SYNRG: variants seen among roughly 807,000 people sequenced by gnomAD.
SYNRG encodes the protein synergin gamma.
Under a neutral mutation model 130.9 loss-of-function variants are expected in SYNRG, and 37 were observed. That is an observed-to-expected ratio of 0.28 (90% CI 0.22 to 0.37). The LOEUF is 0.37. Among genes scored for constraint, SYNRG ranks in the 10% least tolerant of loss-of-function variants. The pLI is 1.00. For synonymous variants in SYNRG, 539 were observed against 568.1 expected (o/e 0.95, Z 0.73); for missense variants, 1,338 against 1,588.9 (o/e 0.84, Z 2.68).
chr17:37,594,403 T>A (rs1023382980), intron 3 of SYNRG, among the ~76,000 whole-genome samples: 3 of 149,776 alleles, frequency 2.0e-5, no homozygotes, highest in Non-Finnish European at 4.4e-5. Flanking sequence ...GAAGTCTTAA[T>A]TTAAAATACA....
chr17:37,572,300 G>A (rs2060490703), intron 8 of SYNRG, among the ~76,000 whole-genome samples: 1 of 152,002 alleles, frequency 6.6e-6, no homozygotes, highest in Non-Finnish European at 1.5e-5. Context: ...GGTGGCATGT[G>A]CCTGTAAGCC....
chr17:37,532,542 A>T (rs1246462853), intron 19 of SYNRG, among the ~76,000 whole-genome samples: 1 of 151,844 alleles, frequency 6.6e-6, no homozygotes. Context: ...GCGTGGTGGC[A>T]CGCACCTGTA....
intron 8 of SYNRG, 61 bp from the exon 9 acceptor site, chr17:37,572,048 A>C: frequency 4.2e-6 from 6 of 1,435,332 alleles, no homozygotes; most frequent in Non-Finnish European, 4.8e-6. Flanking sequence ...ATTTTTTGGG[A>C]TGCCATTGTT....
chr17:37,518,933 G>A lies in SYNRG; in HGVS notation c.*7C>T, dbSNP rs771483983. 3.1e-6 allele frequency: 5 copies of A among 1,611,162 alleles called. No homozygotes were observed. Among genetic ancestry groups the A allele is most frequent in the Non-Finnish European group, 4.2e-6 (5 of 1,179,114 alleles). ...AAAAAAAAGTCAATGCTTCACAGAG[G>A]AGTTGTTCAGAGCAGGTCAGGCAGG... is the stretch of plus-strand genomic sequence containing the variant. On this transcript the variant is annotated 3_prime_UTR_variant, in exon 22 of 22. Transcript: ENST00000612223.
intron 13 of SYNRG, among the ~76,000 whole-genome samples, chr17:37,555,302 T>C (rs1380803099): frequency 6.6e-6 from 1 of 152,120 alleles, no homozygotes; most frequent in Non-Finnish European, 1.5e-5. Context: ...AATTTTTGTA[T>C]TTTTAGTAGA....
Position 37,561,190 on chromosome 17 carries a change from C to T in SYNRG, c.1663+5G>A. 1 of 1,610,858 alleles carries T rather than the reference C, an allele frequency of 6.2e-7. No homozygotes were observed. Among genetic ancestry groups the T allele is most frequent in the South Asian group, 1.1e-5 (1 of 90,482 alleles). On this transcript the variant is annotated splice_donor_5th_base_variant and intron_variant, in intron 13 of 21. Transcript: ENST00000612223. ...ATTTATCCTTTTGAGGACTCAAAAA[C>T]TTACCTAAAGGTTTATTCTCTGCTG...
At chr17:37,607,305 A>C (rs1192432968) in intron 1 of SYNRG, among the ~76,000 whole-genome samples, 1 of 152,224 alleles carries the variant, frequency 6.6e-6, no homozygotes, top group African/African-American at 2.4e-5. Flanking sequence ...AAAGGGAATA[A>C]TGCACTTGAA....
intron 13 of SYNRG, among the ~76,000 whole-genome samples, chr17:37,555,590 TAAACCA>T (rs2059057990): frequency 6.6e-6 from 1 of 152,160 alleles, no homozygotes; most frequent in Non-Finnish European, 1.5e-5. Flanking sequence ...AAACCAGAGA[TAAACCA>T]AATGTAAATA....
Position 37,542,566 on chromosome 17 carries a change from C to A in SYNRG, c.2609-1G>T, listed in dbSNP as rs1272948737. On this transcript the variant is annotated splice_acceptor_variant, in intron 14 of 21. Transcript: ENST00000612223. LOFTEE classifies it high-confidence loss of function. ...GCAGCATATTTTAAGTCCTCTATATCTGAAAGGGAAATAAGACCCCACAAT... is the reference window on the plus strand; with the variant it reads ...GCAGCATATTTTAAGTCCTCTATATATGAAAGGGAAATAAGACCCCACAAT... 6.2e-7 allele frequency: 1 copy of A among 1,604,926 alleles called. No homozygotes were observed. The highest frequency in any genetic ancestry group is 2.2e-5 in the East Asian group (1 of 44,796).
chr17:37,553,602 C>T lies in SYNRG; in HGVS notation c.2121G>A (p.Lys707=), dbSNP rs767792054. The part of the protein sequence containing the change: ...FSNSSISSEQ[K]PDDKYDALKE... ...TAAGGGCATCATATTTGTCATCCGGCTTTTGCTCAGATGAAATAGAGCTAT... is the reference window on the plus strand; with the variant it reads ...TAAGGGCATCATATTTGTCATCCGGTTTTTGCTCAGATGAAATAGAGCTAT... The change falls in exon 14 of 22, where the codon AAG becomes AAA. Residue 707 remains lysine, a synonymous_variant. Coordinates refer to ENST00000612223, the MANE Select transcript of SYNRG (RefSeq NM_007247.6). 6.2e-7 allele frequency: 1 copy of T among 1,613,966 alleles called. No homozygotes were observed. The highest frequency in any genetic ancestry group is 8.5e-7 in the Non-Finnish European group (1 of 1,179,974).
At chr17:37,566,498 G>A (rs866166695) in intron 11 of SYNRG, among the ~76,000 whole-genome samples, 26 of 146,180 alleles carry the variant, frequency 1.8e-4, no homozygotes, top group African/African-American at 6.2e-4. Flanking sequence ...CAAACACTGC[G>A]GAAGGCCGCA....
In SYNRG at chr17:37,600,480, G is replaced by A. The variant is rs1398834844; in HGVS notation, c.78-77C>T. The A allele has an allele frequency of 4.2e-6, 6 of 1,423,088 alleles. No homozygotes were observed. In the Admixed American group the frequency reaches 9.0e-5, roughly 21 times the overall value. The allele number at this position is 1,423,088 out of a possible 1,614,324, so 88.2% of individuals were successfully genotyped here. On this transcript the variant is annotated intron_variant, in intron 1 of 21. Coordinates refer to ENST00000612223, the MANE Select transcript of SYNRG (RefSeq NM_007247.6). ...AATAACACGTGTACTTTTTTATATG[G>A]ATAAAAGACTTGTAGATGGGACCTG...
rs2057822711 is a variant in SYNRG at position 37,542,198 on chromosome 17, G to A, written c.2976C>T (p.Asp992=). The change falls in exon 15 of 22, where the codon GAC becomes GAT. Residue 992 remains aspartate, a synonymous_variant. Transcript: ENST00000612223. ...NRDYKDFTKQ[D]LPTAERSQEA... The stretch of plus-strand genomic sequence containing the variant: ...CCTGGCTCCGTTCAGCCGTAGGCAG[G>A]TCCTGTTTTGTGAAATCTTTATAGT... 2 of 1,614,186 alleles carry A rather than the reference G, an allele frequency of 1.2e-6. No homozygotes were observed. Among genetic ancestry groups the A allele is most frequent in the South Asian group, 1.1e-5 (1 of 91,084 alleles).
At chr17:37,537,354 G>T (rs1007201725) in intron 18 of SYNRG, 1 of 152,510 alleles carries the variant, frequency 6.6e-6, no homozygotes, top group Non-Finnish European at 1.5e-5. Context: ...GTAGCTAGGT[G>T]CAGTGGCTCA....
intron 6 of SYNRG, among the ~76,000 whole-genome samples, chr17:37,581,401 G>A (rs1436999253): frequency 1.5e-5 from 2 of 136,632 alleles, no homozygotes; most frequent in East Asian, 2.3e-4. Context: ...CCTCAGCCTC[G>A]CAAGTAGCTG....
chr17:37,569,301 G>A lies in SYNRG; in HGVS notation c.1348-377C>T, dbSNP rs142608886. The stretch of plus-strand genomic sequence containing the variant: ...GGCATGTGCCTGTAGTCCCAGCTAC[G>A]TGGGTGGCTGAGGCCAGAGAATCAC... On this transcript the variant is annotated intron_variant, in intron 10 of 21. Coordinates refer to ENST00000612223, the MANE Select transcript of SYNRG (RefSeq NM_007247.6). Among the ~76,000 whole-genome samples, 68 of 152,086 alleles carry A rather than the reference G, an allele frequency of 4.5e-4. 1 individual carries two copies. Among genetic ancestry groups the A allele is most frequent in the African/African-American group, 1.4e-3 (58 of 41,474 alleles).
intron 11 of SYNRG, among the ~76,000 whole-genome samples, chr17:37,564,074 C>T (rs892184367): frequency 2.0e-5 from 3 of 151,918 alleles, no homozygotes; most frequent in Non-Finnish European, 2.9e-5. Context: ...GTCTCAAACT[C>T]CTGACCTCAG....
chr17:37,545,682 A>C (rs750623420), intron 14 of SYNRG, among the ~76,000 whole-genome samples: 5 of 152,190 alleles, frequency 3.3e-5, no homozygotes, highest in Non-Finnish European at 5.9e-5. Flanking sequence ...TGCCTTTTGG[A>C]GCAACTCCCA....
At chr17:37,544,919 T>C (rs1397367749) in intron 14 of SYNRG, among the ~76,000 whole-genome samples, 1 of 152,068 alleles carries the variant, frequency 6.6e-6, no homozygotes, top group Non-Finnish European at 1.5e-5. Flanking sequence ...TATTAAAAGG[T>C]TAGCAGGCTG....
Sources: gnomAD v4.1 joint callset for allele counts (sites outside exome capture counted in the v4.1 genomes callset) on GRCh38, gnomAD v4.1.1 for gene constraint, MANE v1.5 for transcripts, NCBI Gene and HGNC (gene_info 2026-07-23, HGNC 2026-07-21) for gene names.